The following MYH10 variants were observed in gnomAD, a reference collection of about 807,000 sequenced individuals.
MYH10 encodes myosin-10.
A neutral mutation model predicts 257.8 loss-of-function variants in MYH10; 55 were observed. That is an observed-to-expected ratio of 0.21 (90% CI 0.17 to 0.27). The LOEUF is 0.27. Among genes scored for constraint, MYH10 ranks in the 10% least tolerant of loss-of-function variants. MYH10 has a pLI of 1.00. For synonymous variants in MYH10, 854 were observed against 921.7 expected (o/e 0.93, Z 1.33); for missense variants, 1,631 against 2,500.6 (o/e 0.65, Z 7.42).
At chr17:8,483,203 C>A (rs939260179) in intron 37 of MYH10, among the ~76,000 whole-genome samples, 43 of 152,082 alleles carry the variant, frequency 2.8e-4, no homozygotes, top group African/African-American at 1.0e-3. Context: ...ATTTGTGGAA[C>A]ATGATGAAAA....
At chr17:8,589,416 C>A (rs1465414510) in intron 3 of MYH10, among the ~76,000 whole-genome samples, 1 of 152,170 alleles carries the variant, frequency 6.6e-6, no homozygotes, top group African/African-American at 2.4e-5. Context: ...CATACAAATT[C>A]AACCGGGAAG....
intron 3 of MYH10, among the ~76,000 whole-genome samples, chr17:8,595,087 A>G (rs529191578): frequency 6.6e-6 from 1 of 152,350 alleles, no homozygotes; most frequent in South Asian, 2.1e-4. Context: ...TCAGCACTAA[A>G]AAAGAATGAA....
rs375075313 is a variant in MYH10 at position 8,499,252 on chromosome 17, C to T, written c.3951+18G>A. 198 of 1,610,436 alleles carry T rather than the reference C, an allele frequency of 1.2e-4. No homozygotes were observed. Among genetic ancestry groups the T allele is most frequent in the Middle Eastern group, 1.8e-4 (1 of 5,446 alleles). On this transcript the variant is annotated intron_variant, in intron 30 of 42. Coordinates refer to ENST00000360416, the MANE Select transcript of MYH10 (RefSeq NM_001256012.3). ...ATGCTACAGTGGGACGTGTGTAGAG[C>T]GGAGGTTTCTGGCTTACCTGCAGCT...
chr17:8,546,916 G>A (rs975468660), intron 11 of MYH10, among the ~76,000 whole-genome samples: 1 of 152,028 alleles, frequency 6.6e-6, no homozygotes, highest in Non-Finnish European at 1.5e-5. Context: ...CATTTTTTTA[G>A]AGGCAGGTTC....
intron 2 of MYH10, among the ~76,000 whole-genome samples, chr17:8,612,990 T>C (rs1486198532): frequency 6.6e-6 from 1 of 152,190 alleles, no homozygotes; most frequent in Non-Finnish European, 1.5e-5. Context: ...GAGGACCCAC[T>C]ATATACAAAA....
intron 14 of MYH10, among the ~76,000 whole-genome samples, chr17:8,539,300 T>C (rs2082229810): frequency 6.6e-6 from 1 of 152,366 alleles, no homozygotes; most frequent in African/African-American, 2.4e-5. Context: ...GCTGTTCACC[T>C]GCTGATTTCT....
chr17:8,530,512 CCCCCAGTCT>C, intron 17 of MYH10, 102 bp downstream of exon 17: 1 of 395,696 alleles, frequency 2.5e-6, no homozygotes. Flanking sequence ...CCCACCCCAG[CCCCCAGTCT>C]ACCCCCGCCC....
chr17:8,508,820 A>G (rs1311433226), intron 25 of MYH10, 143 bp from the exon 26 acceptor site: 6 of 851,616 alleles, frequency 7.0e-6, no homozygotes, highest in South Asian at 1.7e-5. Context: ...ACACAATCAC[A>G]TGCTGCAGAA....
chr17:8,490,657 T>G lies in MYH10; in HGVS notation c.4672-105A>C. 1 of 1,121,154 alleles carries G rather than the reference T, an allele frequency of 8.9e-7. No homozygotes were observed. Among genetic ancestry groups the G allele is most frequent in the South Asian group, 1.4e-5 (1 of 73,308 alleles). The allele number at this position is 1,121,154 out of a possible 1,614,324, so 69.5% of individuals were successfully genotyped here. On this transcript the variant is annotated intron_variant, in intron 34 of 42. Coordinates refer to ENST00000360416, the MANE Select transcript of MYH10 (RefSeq NM_001256012.3). The surrounding 1 kb of genome is among the most constrained non-coding windows in gnomAD (Gnocchi z 4.1). ...CCCACTCGTGGCATGCTGGCCACTT[T>G]GGTCCCCCTGGGCCGGCCCCCTGCC...
chr17:8,509,304 T>C (rs925564459), intron 25 of MYH10, among the ~76,000 whole-genome samples: 5 of 152,204 alleles, frequency 3.3e-5, no homozygotes, highest in African/African-American at 9.6e-5. Context: ...TCTAGGTGTA[T>C]AGCAGGCTCT....
At position 8,607,093 on chromosome 17, in the gene MYH10, T is replaced by C. The variant is rs148313538; in HGVS notation, c.346-2111A>G. On this transcript the variant is annotated intron_variant, in intron 2 of 42. Transcript: ENST00000360416. Reference sequence around the variant, plus strand: ...AGGAGAGGCAACCTCAATACCTTTTTAGGAGTTTAATTTATATAACGTTAA... The same window carrying C: ...AGGAGAGGCAACCTCAATACCTTTTCAGGAGTTTAATTTATATAACGTTAA... 2.2e-3 allele frequency among the ~76,000 whole-genome samples: 334 copies of C among 152,340 alleles called. 1 individual carries two copies. Among genetic ancestry groups the C allele is most frequent in the African/African-American group, 7.6e-3 (314 of 41,578 alleles).
intron 17 of MYH10, among the ~76,000 whole-genome samples, chr17:8,523,315 C>G (rs1567844640): frequency 6.6e-6 from 1 of 152,218 alleles, no homozygotes; most frequent in Non-Finnish European, 1.5e-5. Flanking sequence ...TGTCTGGCAC[C>G]AACATACTTC....
chr17:8,577,103 G>A (rs1597873970), intron 5 of MYH10, 133 bp downstream of exon 5: 1 of 606,668 alleles, frequency 1.6e-6, no homozygotes, highest in Non-Finnish European at 2.8e-6. Flanking sequence ...TTGCTGGGTA[G>A]GTGGCGGGGA....
rs747038402 is a variant in MYH10, at chr17:8,477,406, G to A, written c.5707-358C>T. Among the ~76,000 whole-genome samples, 4 of 152,158 alleles carry A rather than the reference G, an allele frequency of 2.6e-5. No homozygotes were observed. Among genetic ancestry groups the A allele is most frequent in the Non-Finnish European group, 5.9e-5 (4 of 68,030 alleles). On this transcript the variant is annotated intron_variant, in intron 41 of 42. Transcript: ENST00000360416. The surrounding 1 kb of genome is among the most constrained non-coding windows in gnomAD (Gnocchi z 4.2). ...CAAAACGTGGAAGAACCAGCAATGT[G>A]GGACAATCCCCAGCCCAGAAGATGG...
intron 2 of MYH10, among the ~76,000 whole-genome samples, chr17:8,620,174 A>G (rs2085412177): frequency 6.6e-6 from 1 of 152,202 alleles, no homozygotes; most frequent in South Asian, 2.1e-4. Context: ...CCACTCATAA[A>G]AGCTGACAAT....
chr17:8,608,661 A>T (rs1233858450), intron 2 of MYH10, among the ~76,000 whole-genome samples: 1 of 152,240 alleles, frequency 6.6e-6, no homozygotes, highest in Non-Finnish European at 1.5e-5. Context: ...ACTACTGTAT[A>T]CTTTACCTAA....
At chr17:8,524,824 C>A (rs534112069) in intron 17 of MYH10, among the ~76,000 whole-genome samples, 2 of 152,192 alleles carry the variant, frequency 1.3e-5, no homozygotes, top group Admixed American at 1.3e-4. Context: ...CACAGCCTGT[C>A]GGATAGTGTC....
chr17:8,507,856 C>G (rs907522982), intron 26 of MYH10, among the ~76,000 whole-genome samples: 1 of 152,074 alleles, frequency 6.6e-6, no homozygotes, highest in African/African-American at 2.4e-5. Context: ...CCTGTAATCC[C>G]CGCTACTTGG....
chr17:8,488,372 G>A (rs2151805514), intron 35 of MYH10, among the ~76,000 whole-genome samples: 1 of 152,304 alleles, frequency 6.6e-6, no homozygotes, highest in Admixed American at 6.5e-5. Flanking sequence ...GAGCTGTTGA[G>A]CTCCAAACCT....
Sources: allele counts gnomAD v4.1 joint callset (sites outside exome capture counted in the v4.1 genomes callset), GRCh38; gene constraint gnomAD v4.1.1; non-coding constraint Gnocchi (gnomAD v3.1); transcripts MANE v1.5; gene names NCBI Gene and HGNC (gene_info 2026-07-23, HGNC 2026-07-21).